SLC9B1: variants seen among roughly 807,000 people sequenced by gnomAD.
SLC9B1 encodes the protein sodium/hydrogen exchanger 9B1.
In SLC9B1, 32 loss-of-function variants were observed where a neutral mutation model predicts 51.7. The ratio of observed to expected loss-of-function variants is 0.62; its 90% confidence interval spans 0.47 to 0.83. SLC9B1 has a LOEUF of 0.83. SLC9B1 is among the 40% of genes least tolerant of loss of function. SLC9B1 has a pLI of 0.00. For synonymous variants in SLC9B1, 145 were observed against 212.7 expected (o/e 0.68, Z 2.77); for missense variants, 406 against 613.2 (o/e 0.66, Z 3.57).
intron 6 of SLC9B1, chr4:102,941,561 A>G: frequency 2.3e-6 from 1 of 444,174 alleles, no homozygotes; most frequent in South Asian, 1.6e-5. Context: ...AATTGCTTGA[A>G]CCTGGGAGGC....
At chr4:102,896,548 T>A (rs916488262), downstream of SLC9B1, among the ~76,000 whole-genome samples, 4 of 152,144 alleles carry the variant, frequency 2.6e-5, no homozygotes, top group Non-Finnish European at 4.4e-5. Context: ...AAATAAACAC[T>A]GCACAAACTT....
intron 5 of SLC9B1, 126 bp from the exon 6 acceptor site, chr4:102,945,446 C>G: frequency 1.0e-6 from 1 of 993,896 alleles, no homozygotes; most frequent in South Asian, 3.2e-5. Flanking sequence ...CTCATTTCAA[C>G]AGATTGTCCC....
chr4:102,990,584 G>C (rs1028179732), intron 2 of SLC9B1, among the ~76,000 whole-genome samples: 1 of 147,954 alleles, frequency 6.8e-6, no homozygotes, highest in East Asian at 2.1e-4. Flanking sequence ...CATAAACAAT[G>C]ATAACAACAA....
At chr4:102,938,145 G>A (rs1478003844) in intron 6 of SLC9B1, among the ~76,000 whole-genome samples, 2 of 152,100 alleles carry the variant, frequency 1.3e-5, no homozygotes, top group Admixed American at 6.5e-5. Flanking sequence ...CATATGCAAC[G>A]ATACCCATTG....
intron 1 of SLC9B1, among the ~76,000 whole-genome samples, chr4:103,008,767 T>TCTTAGATGATCTAAGG (rs971186433): frequency 2.6e-5 from 4 of 151,394 alleles, no homozygotes; most frequent in Non-Finnish European, 4.4e-5. Context: ...GGAGTGAGGA[T>TCTTAGATGATCTAAGG]CTTAGATGAT....
chr4:102,910,844 T>C (rs527517423), intron 8 of SLC9B1, among the ~76,000 whole-genome samples: 1 of 152,284 alleles, frequency 6.6e-6, no homozygotes, highest in Admixed American at 6.5e-5. Flanking sequence ...AGTATTACTA[T>C]AAGTGAAGAA....
chr4:102,953,940 T>C (rs1396488781), intron 3 of SLC9B1, among the ~76,000 whole-genome samples: 1 of 11,656 alleles, frequency 8.6e-5, no homozygotes, highest in African/African-American at 1.0e-3. Flanking sequence ...GACTTCCTCT[T>C]TTCCTAATTG....
intron 3 of SLC9B1, among the ~76,000 whole-genome samples, chr4:102,975,582 ATATATT>A: frequency 1.4e-5 from 1 of 73,532 alleles, no homozygotes; most frequent in Admixed American, 1.6e-4. Context: ...ATATATATAT[ATATATT>A]TTTTTTTTTT....
At chr4:102,938,435 A>G (rs528171679) in intron 6 of SLC9B1, among the ~76,000 whole-genome samples, 26 of 152,352 alleles carry the variant, frequency 1.7e-4, no homozygotes, top group African/African-American at 6.3e-4. Context: ...GGAGACTTCA[A>G]CATCTCACTG....
intron 6 of SLC9B1, among the ~76,000 whole-genome samples, chr4:102,932,636 T>A (rs1736516243): frequency 6.6e-6 from 1 of 152,014 alleles, no homozygotes; most frequent in Admixed American, 6.6e-5. Context: ...ACTAAGTATA[T>A]CCCAGTAAGA....
In SLC9B1 at chr4:102,962,233, A is replaced by G. The variant is rs1738175530; in HGVS notation, c.212-12806T>C. ...AGGTAGTTGACAAAGCCCAAAGGAG[A>G]ATGTTGAGGGGAGTTGATGACCTTG... On this transcript the variant is annotated intron_variant, in intron 3 of 11. Coordinates refer to ENST00000296422, the MANE Select transcript of SLC9B1 (RefSeq NM_139173.4). 7.4e-6 allele frequency: 4 copies of G among 537,680 alleles called. No homozygotes were observed. The Admixed American group carries it at 7.8e-5, about 10-fold the overall frequency. 33.3% of individuals were successfully genotyped at this position (537,680 alleles called of 1,614,324 possible). A position where few individuals can be genotyped will look rare whatever the true frequency, so the allele number is the denominator to read the frequency against.
Position 102,906,610 on chromosome 4 carries a change from T to C in SLC9B1, c.1121A>G (p.Asp374Gly), listed in dbSNP as rs140935768. 222 of 1,588,720 alleles carry C rather than the reference T, an allele frequency of 1.4e-4. 1 individual carries two copies. In the African/African-American group the frequency reaches 2.7e-3, roughly 19 times the overall value. Residue 374 changes from aspartate (D) to glycine (G), a missense_variant, in exon 10 of 12, where the codon GAT becomes GGT. Coordinates refer to ENST00000296422, the MANE Select transcript of SLC9B1 (RefSeq NM_139173.4). ...KVQKIITTVW[D>G]IFQPLLFGLV... is the part of the protein sequence containing the mutation. ...ACCAAAAAGAAGTGGTTGAAAAATA[T>C]CCCATACAGTCGTAATAATCTTTTG...
At chr4:102,980,402 C>A (rs1739291491) in intron 3 of SLC9B1, among the ~76,000 whole-genome samples, 1 of 152,150 alleles carries the variant, frequency 6.6e-6, no homozygotes, top group Admixed American at 6.5e-5. Context: ...ACCATGGATA[C>A]TATGCAGCCA....
intron 1 of SLC9B1, among the ~76,000 whole-genome samples, chr4:102,993,641 G>T (rs1740067088): frequency 1.3e-5 from 2 of 152,190 alleles, no homozygotes; most frequent in South Asian, 2.1e-4. Context: ...GACTCTGTGT[G>T]GGGGCTCCAA....
intron 3 of SLC9B1, among the ~76,000 whole-genome samples, chr4:102,972,733 T>G (rs1457730064): frequency 6.6e-6 from 1 of 152,164 alleles, no homozygotes; most frequent in South Asian, 2.1e-4. Flanking sequence ...CCAAAACTCA[T>G]CAAAATGTGC....
At chr4:103,018,094 A>G (rs1385916903) in intron 1 of SLC9B1, among the ~76,000 whole-genome samples, 1 of 152,232 alleles carries the variant, frequency 6.6e-6, no homozygotes, top group Admixed American at 6.5e-5. Flanking sequence ...ATTCAATCTC[A>G]GTGTTTAGTA....
At chr4:103,016,455 C>T (rs1205148147) in intron 1 of SLC9B1, among the ~76,000 whole-genome samples, 1 of 152,106 alleles carries the variant, frequency 6.6e-6, no homozygotes, top group African/African-American at 2.4e-5. Flanking sequence ...TCTGCCCAGC[C>T]AGCAGTACTA....
chr4:102,941,249 C>T (rs370486949), intron 6 of SLC9B1, among the ~76,000 whole-genome samples: 8 of 151,998 alleles, frequency 5.3e-5, no homozygotes, highest in East Asian at 1.9e-4. Context: ...ACCATGCATT[C>T]GACAAAAGTC....
At chr4:102,924,260 A>G (rs1448932976) in intron 7 of SLC9B1, among the ~76,000 whole-genome samples, 2 of 152,258 alleles carry the variant, frequency 1.3e-5, no homozygotes, top group East Asian at 3.9e-4. Context: ...CGACACATCT[A>G]CAACCATCTG....
Sources: allele counts gnomAD v4.1 joint callset (sites outside exome capture counted in the v4.1 genomes callset), GRCh38; gene constraint gnomAD v4.1.1; transcripts MANE v1.5; gene names NCBI Gene and HGNC (gene_info 2026-07-23, HGNC 2026-07-21).